LOXL3: variants seen among roughly 807,000 people sequenced by gnomAD.
LOXL3 encodes the protein lysyl oxidase homolog 3.
A neutral mutation model predicts 91.8 loss-of-function variants in LOXL3; 60 were observed. The ratio of observed to expected loss-of-function variants is 0.65; its 90% CI spans 0.53 to 0.81. The LOEUF is 0.81. Among genes scored for constraint, LOXL3 ranks in the 30% least tolerant of loss-of-function variants. The pLI is 0.00. For missense variants in LOXL3, 874 were observed against 1,000.4 expected (o/e 0.87, Z 1.70); for synonymous variants, 355 against 387.6 (o/e 0.92, Z 0.99).
In LOXL3 at chr2:74,535,319, A is replaced by C; in HGVS notation, c.1552T>G (p.Phe518Val). The change falls in exon 9 of 14, where the codon TTC (phenylalanine) becomes GTC (valine). Residue 518 changes from phenylalanine (F) to valine (V), a missense_variant. Coordinates refer to ENST00000264094, the MANE Select transcript of LOXL3 (RefSeq NM_032603.5). This position sits in a 1 kb window ranked among gnomAD's most constrained non-coding sequence, Gnocchi z 4.2. ...TCAGAACAGATGACTCCAGCAGTGA[A>C]GCGGGTCCCTGTCCTCTTGCAGGTG... ...HITCKRTGTR[F>V]TAGVICSETA... is the part of the protein sequence containing the mutation. 1 of 1,613,976 alleles carries C rather than the reference A, an allele frequency of 6.2e-7. No homozygotes were observed. Among genetic ancestry groups the C allele is most frequent in the Middle Eastern group, 1.7e-4 (1 of 6,058 alleles).
rs966618502 is a variant in LOXL3, at chr2:74,536,728, T to G, written c.893A>C (p.Gln298Pro). ...ACACACCTCCCCCTGAGGCTTCGAC[T>G]GTTGTTGCTTCTTCTGGCCACTGGA... is the stretch of plus-strand genomic sequence containing the variant. ...AASSGQKKQQ[Q>P]SKPQGEARVR... Residue 298 changes from glutamine to proline, a missense_variant, in exon 5 of 14, where the codon CAG becomes CCG. Gln to Pro is a moderately conservative substitution (Grantham distance 76). Transcript: ENST00000264094. This position sits in a 1 kb window ranked among gnomAD's most constrained non-coding sequence, Gnocchi z 4.5. 6.2e-7 allele frequency: 1 copy of G among 1,614,052 alleles called. No homozygotes were observed. Among genetic ancestry groups the G allele is most frequent in the Non-Finnish European group, 8.5e-7 (1 of 1,180,008 alleles).
rs1215378969 is a variant in LOXL3, at chr2:74,549,012, C to A, written c.692+357G>T. Reference sequence around the variant, plus strand: ...CCTCCCAGGGGCGGCCGCGTCCTTACTGAACTCGGAAATCGCTGGCCGGCA... The same window carrying A: ...CCTCCCAGGGGCGGCCGCGTCCTTAATGAACTCGGAAATCGCTGGCCGGCA... On this transcript the variant is annotated intron_variant, in intron 4 of 13. Coordinates refer to ENST00000264094, the MANE Select transcript of LOXL3 (RefSeq NM_032603.5). The surrounding 1 kb of genome is among the most constrained non-coding windows in gnomAD (Gnocchi z 5.3). 6.1e-6 allele frequency: 1 copy of A among 164,100 alleles called. No homozygotes were observed. The highest frequency in any genetic ancestry group is 2.4e-5 in the African/African-American group (1 of 41,838). 10.2% of individuals were successfully genotyped at this position (164,100 alleles called of 1,614,324 possible). A position where few individuals can be genotyped will look rare whatever the true frequency, so the allele number is the denominator to read the frequency against.
chr2:74,534,105 G>C lies in LOXL3; in HGVS notation c.2071C>G (p.Leu691Val). The C allele has an allele frequency of 6.2e-7, 1 of 1,614,188 alleles. No individual in the cohort carries two copies. Residue 691 changes from leucine (L) to valine (V), a missense_variant, in exon 12 of 14, where the codon CTC becomes GTC. Leu to Val is a conservative substitution (Grantham distance 32). Transcript: ENST00000264094. The stretch of plus-strand genomic sequence containing the variant: ...AAGCCCCAGACTCCAGGTACCTGGA[G>C]AATGTAGTTTCCTGGCTTCACATCC... ...ITDVKPGNYI[L>V]QVVINPNFEV...
chr2:74,554,810 C>T, upstream of LOXL3: 1 of 1,614,126 alleles, frequency 6.2e-7, no homozygotes, highest in Non-Finnish European at 8.5e-7. The surrounding 1 kb of genome is among the most constrained non-coding windows in gnomAD (Gnocchi z 4.9). Flanking sequence ...CGCTTTGGGA[C>T]CAAGGTAGTC....
At chr2:74,550,116 C>T (rs1328908815) in intron 3 of LOXL3, 69 bp downstream of exon 3, 24 of 1,528,894 alleles carry the variant, frequency 1.6e-5, no homozygotes, top group Middle Eastern at 3.5e-4. Flanking sequence ...CTAATGTCTC[C>T]GCTAACCACC....
rs1018077703 is a variant in LOXL3 at position 74,534,836 on chromosome 2, C to T, written c.1580-62G>A. 4 of 1,545,028 alleles carry T rather than the reference C, an allele frequency of 2.6e-6. No homozygotes were observed. In the African/African-American group the frequency reaches 4.1e-5, roughly 16 times the overall value. ...GCTGACTTCACAGAGAGGGGTGCTT[C>T]CATCCCTCCCTAGTGTGTAAGACTA... On this transcript the variant is annotated intron_variant, in intron 9 of 13. Transcript: ENST00000264094.
upstream of LOXL3, chr2:74,555,042 C>T (rs1677322079): frequency 7.0e-7 from 1 of 1,433,716 alleles, no homozygotes; most frequent in Non-Finnish European, 9.3e-7. This position sits in a 1 kb window ranked among gnomAD's most constrained non-coding sequence, Gnocchi z 6.1. Flanking sequence ...CCCCCAACCC[C>T]GTTTGGAAGC....
chr2:74,548,865 G>A (rs1354758422), intron 4 of LOXL3, among the ~76,000 whole-genome samples: 2 of 151,700 alleles, frequency 1.3e-5, no homozygotes, highest in Admixed American at 1.3e-4. Context: ...GCCCCGCCCC[G>A]GGGCGGCCCG....
chr2:74,535,977 G>C lies in LOXL3; in HGVS notation c.1248+19C>G. On this transcript the variant is annotated intron_variant, in intron 7 of 13. Transcript: ENST00000264094. The surrounding 1 kb of genome is among the most constrained non-coding windows in gnomAD (Gnocchi z 4.2). The stretch of plus-strand genomic sequence containing the variant: ...ATAGGATGAAAGAGACCTCAACCAA[G>C]GTAGAGAGGATGACTGACCCTGGTC... 1 of 1,549,802 alleles carries C rather than the reference G, an allele frequency of 6.5e-7. No homozygotes were observed. Among genetic ancestry groups the C allele is most frequent in the Non-Finnish European group, 8.7e-7 (1 of 1,152,510 alleles).
Position 74,549,940 on chromosome 2 carries a change from G to GTGCC in LOXL3, c.477+241_477+244dup. 1 of 985,464 alleles carries GTGCC rather than the reference G, an allele frequency of 1.0e-6. No individual in the cohort carries two copies. Among genetic ancestry groups the GTGCC allele is most frequent in the Non-Finnish European group, 1.2e-6 (1 of 829,928 alleles). The allele number at this position is 985,464 out of a possible 1,614,324, so 61.0% of individuals were successfully genotyped here. ...CATTTGAGGAGAAGGAGAGCACCAG[G>GTGCC]TGCCCCAGGGGTGACTAGGGATGAA... On this transcript the variant is annotated intron_variant, in intron 3 of 13. Transcript: ENST00000264094. This position sits in a 1 kb window ranked among gnomAD's most constrained non-coding sequence, Gnocchi z 5.3.
chr2:74,555,283 G>C, upstream of LOXL3: 2 of 1,614,140 alleles, frequency 1.2e-6, no homozygotes, highest in Non-Finnish European at 1.7e-6. This position sits in a 1 kb window ranked among gnomAD's most constrained non-coding sequence, Gnocchi z 6.1. Flanking sequence ...GGACTGCAAA[G>C]TGATCCGTCT....
chr2:74,551,154 G>A (rs927026165), intron 2 of LOXL3, among the ~76,000 whole-genome samples: 1 of 152,130 alleles, frequency 6.6e-6, no homozygotes, highest in African/African-American at 2.4e-5. Context: ...GGCTGGTCTC[G>A]AACTCCTGAC....
rs748431088 is a variant in LOXL3, at chr2:74,536,442, G to T, written c.942C>A (p.His314Gln). The T allele has an allele frequency of 2.5e-6, 4 of 1,613,928 alleles. No individual in the cohort carries two copies. Among genetic ancestry groups the T allele is most frequent in the Non-Finnish European group, 3.4e-6 (4 of 1,180,004 alleles). Residue 314 changes from histidine (H) to glutamine (Q), a missense_variant, in exon 6 of 14, where the codon CAC (histidine) becomes CAA (glutamine). Physicochemically the swap from His to Gln is conservative, Grantham distance 24 (BLOSUM62 0). Coordinates refer to ENST00000264094, the MANE Select transcript of LOXL3 (RefSeq NM_032603.5). The surrounding 1 kb of genome is among the most constrained non-coding windows in gnomAD (Gnocchi z 4.5). ...EARVRLKGGA[H>Q]PGEGRVEVLK... is the part of the protein sequence containing the mutation. ...GGACTTCTACCCGGCCCTCTCCAGG[G>T]TGGGCGCCGCCCTTTAGACGGACAC...
rs897659623 is a variant in LOXL3 at position 74,535,059 on chromosome 2, A to C, written c.1579+233T>G. ...GCGCCTGGCTAATTTTTGTAGTTTT[A>C]GTAGAGACAGGGTTTCACCATCTTG... On this transcript the variant is annotated intron_variant, in intron 9 of 13. Transcript: ENST00000264094. This position sits in a 1 kb window ranked among gnomAD's most constrained non-coding sequence, Gnocchi z 4.2. Among the ~76,000 whole-genome samples, 1 of 152,092 alleles carries C rather than the reference A, an allele frequency of 6.6e-6. No homozygotes were observed. The highest frequency in any genetic ancestry group is 1.9e-4 in the East Asian group (1 of 5,184).
intron 1 of LOXL3, among the ~76,000 whole-genome samples, chr2:74,553,538 C>G (rs73949683): frequency 0.021 from 3,254 of 152,326 alleles, 111 homozygotes; most frequent in African/African-American, 0.074. Context: ...CTGAGAACAG[C>G]CCCTCTACAG....
At position 74,533,010 on chromosome 2, in the gene LOXL3, C is replaced by T. The variant is rs373929485; in HGVS notation, c.*596G>A. On this transcript the variant is annotated 3_prime_UTR_variant, in exon 14 of 14. Transcript: ENST00000264094. ...AATAGATCACCAAGAGTATGAGGCT[C>T]CTGCTCTGATTTCCTCCTTGCCTTT... The T allele has an allele frequency of 8.1e-6, 13 of 1,610,952 alleles. No homozygotes were observed. Among genetic ancestry groups the T allele is most frequent in the African/African-American group, 5.4e-5 (4 of 74,748 alleles).
At position 74,544,777 on chromosome 2, in the gene LOXL3, G is replaced by A. The variant is rs150061902; in HGVS notation, c.692+4592C>T. On this transcript the variant is annotated intron_variant, in intron 4 of 13. Transcript: ENST00000264094. ...AGATCCATTTTTTTTCCCTAAGGAG[G>A]GGAGAGTTGTTTACAACTGTCTTGC... 7.8e-3 allele frequency among the ~76,000 whole-genome samples: 1,180 copies of A among 152,190 alleles called. 14 individuals carry two copies. Among genetic ancestry groups the A allele is most frequent in the Middle Eastern group, 0.014 (4 of 294 alleles).
At chr2:74,555,403 G>T, upstream of LOXL3, 1 of 1,611,434 alleles carries the variant, frequency 6.2e-7, no homozygotes, top group Non-Finnish European at 8.5e-7. The surrounding 1 kb of genome is among the most constrained non-coding windows in gnomAD (Gnocchi z 6.1). Flanking sequence ...GGCGGCCGAC[G>T]CGCCGTCCAG....
At position 74,535,032 on chromosome 2, in the gene LOXL3, C is replaced by G. The variant is rs1675915793; in HGVS notation, c.1580-258G>C. Among the ~76,000 whole-genome samples, 1 of 152,198 alleles carries G rather than the reference C, an allele frequency of 6.6e-6. No individual in the cohort carries two copies. Among genetic ancestry groups the G allele is most frequent in the South Asian group, 2.1e-4 (1 of 4,832 alleles). On this transcript the variant is annotated intron_variant, in intron 9 of 13. Transcript: ENST00000264094. This position sits in a 1 kb window ranked among gnomAD's most constrained non-coding sequence, Gnocchi z 4.2. ...TAGCTGGGATTATAGGCGCCTGCCA[C>G]TGCGCCTGGCTAATTTTTGTAGTTT...
Sources: allele counts gnomAD v4.1 joint callset (sites outside exome capture counted in the v4.1 genomes callset), GRCh38; gene constraint gnomAD v4.1.1; non-coding constraint Gnocchi (gnomAD v3.1); transcripts MANE v1.5; gene names NCBI Gene and HGNC (gene_info 2026-07-23, HGNC 2026-07-21).